CLMP: variants seen among roughly 807,000 people sequenced by gnomAD.
CLMP encodes the protein CXADR like cell adhesion molecule.
A neutral mutation model predicts 45.2 loss-of-function variants in CLMP; 27 were observed. The ratio of observed to expected loss-of-function variants is 0.60; its 90% CI spans 0.44 to 0.82. CLMP has a LOEUF of 0.82. Among genes scored for constraint, CLMP ranks in the 40% least tolerant of loss-of-function variants. CLMP has a pLI of 0.00. For missense variants in CLMP, 403 were observed against 448.4 expected, an observed-to-expected ratio of 0.90 and a Z score of 0.91; for synonymous variants, 167 against 171.4, an observed-to-expected ratio of 0.97 and a Z score of 0.20.
chr11:123,074,969 T>G (rs1865720277), intron 5 of CLMP, 126 bp from the exon 6 acceptor site: 3 of 1,192,714 alleles, frequency 2.5e-6, no homozygotes, highest in East Asian at 2.5e-5. Flanking sequence ...GTTTTTTTTT[T>G]TTTGAGACGG....
intron 1 of CLMP, among the ~76,000 whole-genome samples, chr11:123,164,408 A>G (rs1233348087): frequency 2.0e-5 from 3 of 152,070 alleles, no homozygotes; most frequent in Non-Finnish European, 4.4e-5. Flanking sequence ...GGTTCAAGCA[A>G]TTCTCCCACC....
intron 1 of CLMP, among the ~76,000 whole-genome samples, chr11:123,157,817 G>T (rs1348805568): frequency 1.3e-5 from 2 of 151,642 alleles, no homozygotes; most frequent in African/African-American, 4.9e-5. Flanking sequence ...GCAGAGACCG[G>T]GACGCTGGTC....
At chr11:123,151,493 G>T (rs1382595432) in intron 1 of CLMP, among the ~76,000 whole-genome samples, 2 of 152,122 alleles carry the variant, frequency 1.3e-5, no homozygotes, top group African/African-American at 4.8e-5. Context: ...TTTATTAAGC[G>T]TCTAACTACA....
At chr11:123,074,941 T>G in intron 5 of CLMP, 98 bp from the exon 6 acceptor site, 1 of 1,366,312 alleles carries the variant, frequency 7.3e-7, no homozygotes, top group Non-Finnish European at 9.9e-7. Context: ...AATGAGTATT[T>G]GCAGGTTTGT....
At chr11:123,090,406 G>A (rs979278805) in intron 2 of CLMP, among the ~76,000 whole-genome samples, 1 of 151,770 alleles carries the variant, frequency 6.6e-6, no homozygotes, top group African/African-American at 2.4e-5. Context: ...TGGCAACAGA[G>A]CGAGACTCTG....
intron 1 of CLMP, among the ~76,000 whole-genome samples, chr11:123,100,682 T>C (rs978247886): frequency 3.9e-5 from 6 of 152,254 alleles, no homozygotes; most frequent in Middle Eastern, 3.4e-3. Flanking sequence ...CTTTGCTTTA[T>C]TTCTTTATTT....
rs558414276 is a variant in CLMP, at chr11:123,130,220, G to C, written c.29-32268C>G. Among the ~76,000 whole-genome samples the C allele has an allele frequency of 5.3e-5, 8 of 152,260 alleles. No homozygotes were observed. In the South Asian group the frequency reaches 1.7e-3, roughly 32 times the overall value. On this transcript the variant is annotated intron_variant, in intron 1 of 6. Coordinates refer to ENST00000448775, the MANE Select transcript of CLMP (RefSeq NM_024769.5). ...CATCTTTCAGAAATTTGAAACTCTGGGAACTTTACAGGGGAGTCCAAGGGA... is the reference window on the plus strand; with the variant it reads ...CATCTTTCAGAAATTTGAAACTCTGCGAACTTTACAGGGGAGTCCAAGGGA...
Position 123,071,130 on chromosome 11 carries a change from T to C in CLMP, c.*2344A>G, listed in dbSNP as rs930251056. 6.6e-6 allele frequency: 1 copy of C among 152,204 alleles called. No individual in the cohort carries two copies. The highest frequency in any genetic ancestry group is 2.4e-5 in the African/African-American group (1 of 41,460). The allele number at this position is 152,204 out of a possible 1,614,324, so 9.4% of individuals were successfully genotyped here. On this transcript the variant is annotated 3_prime_UTR_variant, in exon 7 of 7. Transcript: ENST00000448775. ...AATTTTTTTCTTTCCTCTAACCTGC[T>C]CTTCTTTTAAAAAGTATTCTGGGCC...
intron 1 of CLMP, among the ~76,000 whole-genome samples, chr11:123,177,416 C>T (rs1861712999): frequency 6.6e-6 from 1 of 152,132 alleles, no homozygotes; most frequent in South Asian, 2.1e-4. Context: ...AATCAGGAAC[C>T]CTCAGCTGGA....
At chr11:123,092,992 C>T (rs1865951453) in intron 2 of CLMP, among the ~76,000 whole-genome samples, 1 of 151,118 alleles carries the variant, frequency 6.6e-6, no homozygotes, top group Non-Finnish European at 1.5e-5. Flanking sequence ...ACTGCAACCT[C>T]CTCATCCCAG....
At chr11:123,168,312 G>A (rs983694723) in intron 1 of CLMP, among the ~76,000 whole-genome samples, 5 of 151,806 alleles carry the variant, frequency 3.3e-5, no homozygotes, top group Admixed American at 6.6e-5. Flanking sequence ...CTGGGGCCAC[G>A]GCACTCCAGC....
chr11:123,079,920 G>A (rs1865785291), intron 5 of CLMP, among the ~76,000 whole-genome samples: 1 of 152,224 alleles, frequency 6.6e-6, no homozygotes, highest in Non-Finnish European at 1.5e-5. Flanking sequence ...CGACTTCGTA[G>A]CTCGATGTCA....
In CLMP at chr11:123,146,797, C is replaced by G. The variant is rs540002224; in HGVS notation, c.28+48116G>C. On this transcript the variant is annotated intron_variant, in intron 1 of 6. Coordinates refer to ENST00000448775, the MANE Select transcript of CLMP (RefSeq NM_024769.5). ...TCCAAATCTACCACCAGACCTCCTC[C>G]TCAAAGACCAGTATAACCAGACAAG... Among the ~76,000 whole-genome samples, 5 of 152,288 alleles carry G rather than the reference C, an allele frequency of 3.3e-5. No individual in the cohort carries two copies. The South Asian group carries it at 1.0e-3, about 32-fold the overall frequency.
chr11:123,111,127 A>G (rs902364976), intron 1 of CLMP, among the ~76,000 whole-genome samples: 2 of 152,080 alleles, frequency 1.3e-5, no homozygotes, highest in African/African-American at 4.8e-5. Context: ...TACACAATTT[A>G]TACAAAAGGT....
intron 1 of CLMP, among the ~76,000 whole-genome samples, chr11:123,098,267 G>A (rs759427970): frequency 4.0e-5 from 6 of 151,162 alleles, no homozygotes; most frequent in East Asian, 3.9e-4. Context: ...TGCTCTTGTC[G>A]CCCAGGCTGG....
chr11:123,163,659 C>A (rs1861515856), intron 1 of CLMP, among the ~76,000 whole-genome samples: 1 of 152,176 alleles, frequency 6.6e-6, no homozygotes, highest in Admixed American at 6.5e-5. Flanking sequence ...GAACCACTGG[C>A]CCCTAGGGCC....
At chr11:123,128,035 CAAAA>C (rs35399534) in intron 1 of CLMP, among the ~76,000 whole-genome samples, 2 of 91,856 alleles carry the variant, frequency 2.2e-5, no homozygotes, top group African/African-American at 4.7e-5. Context: ...GACTCTGTCT[CAAAA>C]AAAAAAAAAA....
chr11:123,193,943 C>T (rs1200798956), intron 1 of CLMP, among the ~76,000 whole-genome samples: 1 of 152,162 alleles, frequency 6.6e-6, no homozygotes, highest in Non-Finnish European at 1.5e-5. Context: ...CTTTGATTTT[C>T]TGATCTCCAG....
rs1865716074 is a variant in CLMP at position 123,074,792 on chromosome 11, C to T, written c.731G>A (p.Gly244Glu). 54 of 1,614,128 alleles carry T rather than the reference C, an allele frequency of 3.3e-5. No individual in the cohort carries two copies. Among genetic ancestry groups the T allele is most frequent in the Non-Finnish European group, 4.6e-5 (54 of 1,180,002 alleles). Reference sequence around the variant, plus strand: ...CACCAAGAGGAAAATCAGCAGGGCTCCAGCCACTATGCCTGTCACTGCTCC... The same window carrying T: ...CACCAAGAGGAAAATCAGCAGGGCTTCAGCCACTATGCCTGTCACTGCTCC... ...VAGAVTGIVA[G>E]ALLIFLLVWL... Residue 244 changes from glycine (G) to glutamate (E), a missense_variant, in exon 6 of 7, where the codon GGA becomes GAA. Transcript: ENST00000448775.
Sources: allele counts gnomAD v4.1 joint callset (sites outside exome capture counted in the v4.1 genomes callset), GRCh38; gene constraint gnomAD v4.1.1; transcripts MANE v1.5; gene names NCBI Gene and HGNC (gene_info 2026-07-23, HGNC 2026-07-21).